Variants in SORCS1 observed in about 807,000 individuals in gnomAD.
SORCS1 encodes sortilin related VPS10 domain containing receptor 1, also known as VPS10 domain-containing receptor SorCS1.
A neutral mutation model predicts 146.1 loss-of-function variants in SORCS1; 60 were observed. The ratio of observed to expected loss-of-function variants is 0.41; its 90% CI spans 0.33 to 0.51. SORCS1 has a LOEUF of 0.51. Among genes scored for constraint, SORCS1 ranks in the 20% least tolerant of loss-of-function variants. The pLI is 0.21. For missense variants in SORCS1, 1,352 were observed against 1,487.6 expected (o/e 0.91, Z 1.50); for synonymous variants, 637 against 584.0 (o/e 1.09, Z -1.31).
intron 1 of SORCS1, among the ~76,000 whole-genome samples, chr10:107,148,879 G>A (rs927381170): frequency 2.0e-5 from 3 of 152,142 alleles, no homozygotes; most frequent in Admixed American, 6.5e-5. Flanking sequence ...GCATATTTGG[G>A]ATCTGCTGAA....
At chr10:107,082,501 A>G (rs1963407969) in intron 1 of SORCS1, among the ~76,000 whole-genome samples, 1 of 151,714 alleles carries the variant, frequency 6.6e-6, no homozygotes, top group African/African-American at 2.4e-5. Flanking sequence ...TTTTAGAGAC[A>G]GAGTCACGCT....
intron 4 of SORCS1, among the ~76,000 whole-genome samples, chr10:106,770,782 A>G (rs1475409261): frequency 1.5e-4 from 23 of 152,354 alleles, no homozygotes; most frequent in South Asian, 2.1e-4. Context: ...AGAGCTTGAC[A>G]ATATCCCTCC....
intron 2 of SORCS1, among the ~76,000 whole-genome samples, chr10:106,952,174 A>T (rs1564846287): frequency 6.6e-6 from 1 of 152,140 alleles, no homozygotes; most frequent in Non-Finnish European, 1.5e-5. Flanking sequence ...TTTGAGACTC[A>T]TCTCCCATCT....
At chr10:107,078,607 T>A (rs1009949212) in intron 1 of SORCS1, among the ~76,000 whole-genome samples, 7 of 152,130 alleles carry the variant, frequency 4.6e-5, no homozygotes, top group African/African-American at 1.7e-4. Context: ...CAGTATCAGA[T>A]CTTCTTTTCA....
At chr10:106,677,226 G>A (rs1353366924) in intron 13 of SORCS1, 87 bp downstream of exon 13, 1 of 1,246,116 alleles carries the variant, frequency 8.0e-7, no homozygotes, top group Non-Finnish European at 1.2e-6. Flanking sequence ...TACAGAAACA[G>A]ACACGGTTTG....
At position 106,970,336 on chromosome 10, in the gene SORCS1, C is replaced by CTT. The variant is rs766818370; in HGVS notation, c.559-13758_559-13757dup. Among the ~76,000 whole-genome samples the CTT allele has an allele frequency of 3.5e-3, 317 of 89,408 alleles. 14 individuals carry two copies. Among genetic ancestry groups the CTT allele is most frequent in the Non-Finnish European group, 4.7e-3 (238 of 50,590 alleles). 58.7% of individuals were successfully genotyped at this position (89,408 alleles called of 152,430 possible). ...TTCCCTCCAAATGTAACCAACATCT[C>CTT]TTTTTTTTTTTTTTTTTTTGAGATG... On this transcript the variant is annotated intron_variant, in intron 1 of 25. Coordinates refer to ENST00000263054, the MANE Select transcript of SORCS1 (RefSeq NM_052918.5).
intron 2 of SORCS1, among the ~76,000 whole-genome samples, chr10:106,947,754 G>A (rs1217145316): frequency 6.6e-6 from 1 of 151,968 alleles, no homozygotes; most frequent in Non-Finnish European, 1.5e-5. Flanking sequence ...ATTGAGGCAG[G>A]AGAATTGCTT....
chr10:106,885,986 G>T (rs191540267), intron 2 of SORCS1, among the ~76,000 whole-genome samples: 1 of 152,266 alleles, frequency 6.6e-6, no homozygotes, highest in East Asian at 1.9e-4. Context: ...TCTTGGCCAG[G>T]TGCAGTGGCT....
At chr10:107,112,278 T>C (rs1965748410) in intron 1 of SORCS1, among the ~76,000 whole-genome samples, 1 of 152,152 alleles carries the variant, frequency 6.6e-6, no homozygotes, top group African/African-American at 2.4e-5. Flanking sequence ...CATAGAGTTC[T>C]TGTATGCAAA....
intron 1 of SORCS1, among the ~76,000 whole-genome samples, chr10:107,123,590 A>G (rs191375414): frequency 4.0e-4 from 61 of 152,312 alleles, no homozygotes; most frequent in Admixed American, 1.1e-3. Context: ...AAGATGATAT[A>G]TTGGATAACT....
At chr10:106,968,559 G>GT (rs1955619989) in intron 1 of SORCS1, among the ~76,000 whole-genome samples, 1 of 152,034 alleles carries the variant, frequency 6.6e-6, no homozygotes, top group Non-Finnish European at 1.5e-5. Flanking sequence ...TCGCCATCTT[G>GT]TTTTTTTATG....
intron 13 of SORCS1, 96 bp downstream of exon 13, chr10:106,677,217 A>C (rs1419061997): frequency 3.4e-6 from 4 of 1,173,778 alleles, no homozygotes; most frequent in Non-Finnish European, 5.0e-6. Flanking sequence ...CAGATTTACT[A>C]CAGAAACAGA....
At chr10:106,982,496 C>T (rs1176833896) in intron 1 of SORCS1, among the ~76,000 whole-genome samples, 1 of 152,120 alleles carries the variant, frequency 6.6e-6, no homozygotes, top group Non-Finnish European at 1.5e-5. Flanking sequence ...TCAAGGATGA[C>T]AAGCTGGTTT....
At chr10:106,866,525 T>C (rs989875158) in intron 2 of SORCS1, among the ~76,000 whole-genome samples, 24 of 152,156 alleles carry the variant, frequency 1.6e-4, no homozygotes, top group African/African-American at 5.6e-4. Context: ...AACCCTGAGA[T>C]TTCCCCAGAG....
intron 2 of SORCS1, among the ~76,000 whole-genome samples, chr10:106,916,635 GA>G (rs922151095): frequency 3.4e-5 from 5 of 146,938 alleles, no homozygotes; most frequent in Admixed American, 6.8e-5. Context: ...ATTGGACCTG[GA>G]AAAAAAATTT....
chr10:106,819,695 G>C (rs1947920304), intron 3 of SORCS1, among the ~76,000 whole-genome samples: 1 of 152,094 alleles, frequency 6.6e-6, no homozygotes, highest in African/African-American at 2.4e-5. Context: ...AGTCATAATT[G>C]TGCTTTCCTT....
upstream of SORCS1, among the ~76,000 whole-genome samples, chr10:107,169,466 G>A (rs187073329): frequency 4.9e-4 from 75 of 152,220 alleles, no homozygotes; most frequent in African/African-American, 1.4e-3. Flanking sequence ...CAATCTAAGT[G>A]GTGTTAGTAG....
intron 18 of SORCS1, among the ~76,000 whole-genome samples, chr10:106,640,399 G>T (rs577396759): frequency 1.3e-5 from 2 of 152,286 alleles, no homozygotes; most frequent in South Asian, 4.1e-4. Flanking sequence ...TTCAGTCTTT[G>T]TATGTAAATT....
rs140635869 is a variant in SORCS1, at chr10:106,664,098, G to A, written c.2303+3591C>T. Among the ~76,000 whole-genome samples the A allele has an allele frequency of 2.8e-4, 43 of 152,292 alleles. No homozygotes were observed. In the East Asian group the frequency reaches 6.4e-3, roughly 23 times the overall value. On this transcript the variant is annotated intron_variant, in intron 17 of 25. Coordinates refer to ENST00000263054, the MANE Select transcript of SORCS1 (RefSeq NM_052918.5). ...AAATCATTTGGGGTCAGATGCTATC[G>A]TGTAATACCCACAGAAATGAACAGG...
Sources: allele counts gnomAD v4.1 joint callset (sites outside exome capture counted in the v4.1 genomes callset), GRCh38; gene constraint gnomAD v4.1.1; transcripts MANE v1.5; gene names NCBI Gene and HGNC (gene_info 2026-07-23, HGNC 2026-07-21).